EMCN: variants seen among roughly 807,000 people sequenced by gnomAD.
The protein encoded by EMCN is endomucin.
A neutral mutation model predicts 38.4 loss-of-function variants in EMCN; 37 were observed. The ratio of observed to expected loss-of-function variants is 0.96; its 90% CI spans 0.74 to 1.27. The LOEUF (loss-of-function observed/expected upper bound fraction) is 1.27. EMCN is among the 50% of genes most tolerant of loss of function. The pLI is 0.00. For synonymous variants in EMCN, 95 were observed against 100.8 expected, an observed-to-expected ratio of 0.94 and a Z score of 0.35; for missense variants, 318 against 302.8, an observed-to-expected ratio of 1.05 and a Z score of -0.37.
At chr4:100,478,401 T>C (rs1270887719) in intron 2 of EMCN, among the ~76,000 whole-genome samples, 1 of 152,170 alleles carries the variant, frequency 6.6e-6, no homozygotes, top group South Asian at 2.1e-4. Context: ...TACTAAAGTA[T>C]TGTTATTTAT....
At position 100,396,703 on chromosome 4, in the gene EMCN, A is replaced by G. The variant is rs965826766; in HGVS notation, c.*1710T>C. The G allele has an allele frequency of 2.6e-5, 4 of 151,278 alleles. No individual in the cohort carries two copies. Among genetic ancestry groups the G allele is most frequent in the Non-Finnish European group, 5.9e-5 (4 of 67,794 alleles). The allele number at this position is 151,278 out of a possible 1,614,324, so 9.4% of individuals were successfully genotyped here. ...GACTACAGGCGTGCGCCACCACACC[A>G]GGCTAATTTTTGTATTTTTAGTAGA... On this transcript the variant is annotated 3_prime_UTR_variant, in exon 12 of 12. Coordinates refer to ENST00000296420, the MANE Select transcript of EMCN (RefSeq NM_016242.4).
chr4:100,484,847 A>G (rs1728898686), intron 1 of EMCN, among the ~76,000 whole-genome samples: 1 of 152,180 alleles, frequency 6.6e-6, no homozygotes, highest in Admixed American at 6.6e-5. Flanking sequence ...TCAGAAGATC[A>G]TAGCACCAAT....
intron 1 of EMCN, among the ~76,000 whole-genome samples, chr4:100,498,522 G>C (rs1027231599): frequency 6.6e-6 from 1 of 150,672 alleles, no homozygotes. Context: ...GTCTCGCTCT[G>C]TCACCCAGGA....
chr4:100,498,633 C>G (rs969511483), intron 1 of EMCN, among the ~76,000 whole-genome samples: 5 of 152,134 alleles, frequency 3.3e-5, no homozygotes, highest in African/African-American at 1.2e-4. Context: ...AGGCGCCCAC[C>G]ACCATGCCCA....
intron 5 of EMCN, 107 bp downstream of exon 5, chr4:100,447,426 C>T: frequency 1.5e-5 from 11 of 756,128 alleles, no homozygotes; most frequent in East Asian, 2.5e-5. Context: ...TAATGTTTTC[C>T]CTTGTGCTAT....
intron 10 of EMCN, among the ~76,000 whole-genome samples, chr4:100,415,026 G>T (rs1333022836): frequency 2.0e-5 from 3 of 152,132 alleles, no homozygotes; most frequent in Non-Finnish European, 4.4e-5. Context: ...CTCCAGGGTA[G>T]CTGGGATTAC....
chr4:100,439,440 T>G (rs1442713758), intron 5 of EMCN, among the ~76,000 whole-genome samples: 1 of 151,820 alleles, frequency 6.6e-6, no homozygotes, highest in Non-Finnish European at 1.5e-5. Flanking sequence ...ATATATTTTT[T>G]CGTAGTAGTC....
At chr4:100,484,921 T>C (rs1487678408) in intron 1 of EMCN, among the ~76,000 whole-genome samples, 1 of 152,162 alleles carries the variant, frequency 6.6e-6, no homozygotes, top group Non-Finnish European at 1.5e-5. Flanking sequence ...CAAAAATCTG[T>C]TTTTGTTTCT....
At chr4:100,497,937 T>C (rs1729252814) in intron 1 of EMCN, among the ~76,000 whole-genome samples, 1 of 152,164 alleles carries the variant, frequency 6.6e-6, no homozygotes, top group African/African-American at 2.4e-5. Flanking sequence ...AATATGGTAT[T>C]TTATTTTAAA....
intron 5 of EMCN, 64 bp downstream of exon 5, chr4:100,447,469 T>C (rs1727707355): frequency 5.3e-6 from 6 of 1,133,426 alleles, no homozygotes; most frequent in Non-Finnish European, 7.9e-6. Flanking sequence ...TGGTGTAATT[T>C]GTTTTATTCT....
rs1049950250 is a variant in EMCN at position 100,408,566 on chromosome 4, C to T, written c.*39+1716G>A. ...AAACATAATGACTGGTAGATAGGCTCTTACCCAGCCATGCAGCCCCTCTGT... is the reference window on the plus strand; with the variant it reads ...AAACATAATGACTGGTAGATAGGCTTTTACCCAGCCATGCAGCCCCTCTGT... On this transcript the variant is annotated intron_variant, in intron 11 of 11. Coordinates refer to ENST00000296420, the MANE Select transcript of EMCN (RefSeq NM_016242.4). Among the ~76,000 whole-genome samples, 5 of 152,282 alleles carry T rather than the reference C, an allele frequency of 3.3e-5. No homozygotes were observed. The South Asian group carries it at 1.0e-3, about 32-fold the overall frequency.
intron 1 of EMCN, among the ~76,000 whole-genome samples, chr4:100,483,639 C>CA (rs1232138714): frequency 6.6e-5 from 10 of 151,408 alleles, no homozygotes; most frequent in South Asian, 2.1e-4. Flanking sequence ...CTGAAAAATG[C>CA]AAAAAAAAGT....
chr4:100,398,449 C>G (rs1438209304), intron 11 of EMCN, 76 bp from the exon 12 acceptor site: 1 of 152,126 alleles, frequency 6.6e-6, no homozygotes, highest in Non-Finnish European at 1.5e-5. Flanking sequence ...AATAGAGATG[C>G]TGGGGGAGTC....
At chr4:100,414,945 C>A (rs1232587618) in intron 10 of EMCN, among the ~76,000 whole-genome samples, 1 of 152,062 alleles carries the variant, frequency 6.6e-6, no homozygotes, top group Non-Finnish European at 1.5e-5. Context: ...CCTTTGTCAC[C>A]CAGGCTGGAG....
chr4:100,444,247 C>T (rs1727602367), intron 5 of EMCN, among the ~76,000 whole-genome samples: 1 of 152,316 alleles, frequency 6.6e-6, no homozygotes, highest in South Asian at 2.1e-4. Flanking sequence ...TGTTGTGCCA[C>T]ATCTGTCTGG....
intron 4 of EMCN, among the ~76,000 whole-genome samples, chr4:100,455,587 C>T (rs1014286335): frequency 1.4e-5 from 2 of 148,108 alleles, no homozygotes; most frequent in Non-Finnish European, 3.0e-5. Flanking sequence ...TGAGTCTCTG[C>T]TGTAATTTTT....
chr4:100,451,744 TG>T (rs1235050723), intron 4 of EMCN, among the ~76,000 whole-genome samples: 1 of 152,030 alleles, frequency 6.6e-6, no homozygotes, highest in Non-Finnish European at 1.5e-5. Flanking sequence ...TTTCTGAACT[TG>T]TTTCCTTATT....
chr4:100,482,585 T>C (rs1728840979), intron 1 of EMCN, among the ~76,000 whole-genome samples: 1 of 152,096 alleles, frequency 6.6e-6, no homozygotes, highest in Non-Finnish European at 1.5e-5. Flanking sequence ...CAAACAGTTC[T>C]GTCTAGCTGG....
intron 1 of EMCN, among the ~76,000 whole-genome samples, chr4:100,490,522 T>G (rs981543258): frequency 6.6e-6 from 1 of 152,210 alleles, no homozygotes; most frequent in Admixed American, 6.5e-5. Context: ...GTAAGCCCTA[T>G]TCATGGTAAG....
Sources: gnomAD v4.1 joint callset for allele counts (sites outside exome capture counted in the v4.1 genomes callset) on GRCh38, gnomAD v4.1.1 for gene constraint, MANE v1.5 for transcripts, NCBI Gene and HGNC (gene_info 2026-07-23, HGNC 2026-07-21) for gene names.